PATJ: variants seen among roughly 807,000 people sequenced by gnomAD.
PATJ encodes the protein inaD-like protein.
Under a neutral mutation model 224.9 loss-of-function variants are expected in PATJ, and 190 were observed. The ratio of observed to expected loss-of-function variants is 0.84; its 90% CI spans 0.75 to 0.95. PATJ has a LOEUF of 0.95. Ranked by LOEUF, PATJ falls within the 40% of genes least tolerant of loss-of-function variation. PATJ has a pLI of 0.00. For missense variants in PATJ, 2,121 were observed against 2,270.3 expected (o/e 0.93, Z 1.34); for synonymous variants, 769 against 820.3 (o/e 0.94, Z 1.07).
At chr1:61,898,872 G>A (rs934416091) in intron 22 of PATJ, among the ~76,000 whole-genome samples, 1 of 152,060 alleles carries the variant, frequency 6.6e-6, no homozygotes, top group African/African-American at 2.4e-5. Context: ...TTGCACTCTT[G>A]ACCTTCCAGG....
At position 61,752,371 on chromosome 1, in the gene PATJ, T is replaced by C. The variant is rs376313231; in HGVS notation, c.-36+9816T>C. Reference sequence around the variant, plus strand: ...CTCTGTCACCCAGGCTGGAGTGCAATGGCACAATCTTGGCTCACTGCAACC... The same window carrying C: ...CTCTGTCACCCAGGCTGGAGTGCAACGGCACAATCTTGGCTCACTGCAACC... On this transcript the variant is annotated intron_variant, in intron 1 of 43. Coordinates refer to ENST00000642238, the MANE Select transcript of PATJ (RefSeq NM_001350145.3). Among the ~76,000 whole-genome samples, 3 of 145,266 alleles carry C rather than the reference T, an allele frequency of 2.1e-5. No individual in the cohort carries two copies. In the East Asian group the frequency reaches 6.3e-4, roughly 31 times the overall value.
intron 41 of PATJ, among the ~76,000 whole-genome samples, chr1:62,141,489 A>T (rs1470531304): frequency 6.6e-6 from 1 of 152,104 alleles, no homozygotes; most frequent in Non-Finnish European, 1.5e-5. Context: ...AGCCTGGGCA[A>T]CATGGTAAAA....
At chr1:62,049,486 A>G (rs1019566745) in intron 30 of PATJ, among the ~76,000 whole-genome samples, 13 of 152,194 alleles carry the variant, frequency 8.5e-5, no homozygotes, top group Non-Finnish European at 2.9e-5. Flanking sequence ...TCTTTTCCCT[A>G]TAAACTATTT....
chr1:62,020,264 T>C (rs962231611), intron 29 of PATJ, among the ~76,000 whole-genome samples: 9 of 152,192 alleles, frequency 5.9e-5, no homozygotes, highest in Non-Finnish European at 1.3e-4. Flanking sequence ...CCATTGCAAA[T>C]GGTACAATGT....
intron 27 of PATJ, among the ~76,000 whole-genome samples, chr1:61,972,200 A>G (rs2482894): frequency 0.26 from 39,955 of 151,748 alleles, 6,348 homozygotes; most frequent in African/African-American, 0.43. Flanking sequence ...GAGCCTGAGC[A>G]TAATTTTATA....
In PATJ at chr1:62,084,609, G is replaced by A. The variant is rs1386035356; in HGVS notation, c.4338G>A (p.Gly1446=). 1 of 1,613,140 alleles carries A rather than the reference G, an allele frequency of 6.2e-7. No homozygotes were observed. Among genetic ancestry groups the A allele is most frequent in the East Asian group, 2.2e-5 (1 of 44,878 alleles). Residue 1446 remains glycine, a synonymous_variant, in exon 33 of 44, where the codon GGG becomes GGA. Coordinates refer to ENST00000642238, the MANE Select transcript of PATJ (RefSeq NM_001350145.3). ...MIIEISKGRS[G]LGLSIVGGKD... ...TAGAAATATCCAAGGGACGTTCAGG[G>A]CTTGGTCTCAGCATTGTGGGAGGAA...
At chr1:62,001,852 T>G (rs2149610756) in intron 28 of PATJ, among the ~76,000 whole-genome samples, 1 of 152,330 alleles carries the variant, frequency 6.6e-6, no homozygotes, top group East Asian at 1.9e-4. Context: ...TATCCTCTTT[T>G]ATTTCATTGA....
chr1:62,069,316 C>T (rs1002576121), intron 31 of PATJ, among the ~76,000 whole-genome samples: 10 of 152,090 alleles, frequency 6.6e-5, no homozygotes, highest in South Asian at 2.1e-4. Context: ...CTCTCTGTGC[C>T]GCAGTTACCT....
intron 41 of PATJ, among the ~76,000 whole-genome samples, chr1:62,135,042 C>T (rs1244034679): frequency 6.6e-6 from 1 of 152,086 alleles, no homozygotes; most frequent in Non-Finnish European, 1.5e-5. Flanking sequence ...TAGGTCTTTA[C>T]CTTAGTTGCA....
rs755464892 is a variant in PATJ, at chr1:61,791,305, A to G, written c.1069-43A>G. The G allele has an allele frequency of 1.1e-4, 119 of 1,128,714 alleles. 2 individuals are homozygous for G. The highest frequency in any genetic ancestry group is 1.3e-4 in the Non-Finnish European group (97 of 743,716). 69.9% of individuals were successfully genotyped at this position (1,128,714 alleles called of 1,614,324 possible). On this transcript the variant is annotated intron_variant, in intron 8 of 43. Coordinates refer to ENST00000642238, the MANE Select transcript of PATJ (RefSeq NM_001350145.3). ...ACAGATTGACTATGTACACACAGGT[A>G]TGCCACTAAGCATATATAATTAAAT...
chr1:61,866,272 G>A (rs775907387), intron 20 of PATJ, among the ~76,000 whole-genome samples: 7 of 152,024 alleles, frequency 4.6e-5, no homozygotes, highest in Non-Finnish European at 1.0e-4. Flanking sequence ...CAAATAAAAG[G>A]CAACCTGAAA....
rs957399160 is a variant in PATJ at position 62,036,208 on chromosome 1, G to A, written c.3960-1769G>A. Reference sequence around the variant, plus strand: ...TAATAACTTTGCTGGGTGGAGAATGGGTTGGAGAGAAGATGTAACTGGGTT... The same window carrying A: ...TAATAACTTTGCTGGGTGGAGAATGAGTTGGAGAGAAGATGTAACTGGGTT... On this transcript the variant is annotated intron_variant, in intron 29 of 43. Coordinates refer to ENST00000642238, the MANE Select transcript of PATJ (RefSeq NM_001350145.3). 2.6e-5 allele frequency among the ~76,000 whole-genome samples: 4 copies of A among 152,158 alleles called. 1 individual carries two copies. The South Asian group carries it at 8.3e-4, about 32-fold the overall frequency.
chr1:61,921,531 G>A (rs1169491657), intron 26 of PATJ, among the ~76,000 whole-genome samples: 1 of 152,112 alleles, frequency 6.6e-6, no homozygotes, highest in Non-Finnish European at 1.5e-5. Flanking sequence ...CAGGTAATTA[G>A]TTGCAGAATT....
At chr1:62,024,603 A>C (rs183530854) in intron 29 of PATJ, among the ~76,000 whole-genome samples, 1 of 144,712 alleles carries the variant, frequency 6.9e-6, no homozygotes. Context: ...TATTTATACT[A>C]TTTGCCCAGT....
chr1:61,884,070 A>T (rs184099851), intron 21 of PATJ, among the ~76,000 whole-genome samples, 167 bp from the exon 22 acceptor site: 2 of 152,198 alleles, frequency 1.3e-5, no homozygotes, highest in East Asian at 3.9e-4. Flanking sequence ...TCACCATTGT[A>T]CCTATCATCA....
chr1:61,764,750 A>T (rs1454169282), intron 3 of PATJ, among the ~76,000 whole-genome samples: 1 of 152,112 alleles, frequency 6.6e-6, no homozygotes, highest in African/African-American at 2.4e-5. Flanking sequence ...CTTTCTGTGA[A>T]TTGCTTTCTT....
At chr1:61,826,335 G>C (rs1266039490) in intron 15 of PATJ, among the ~76,000 whole-genome samples, 1 of 152,188 alleles carries the variant, frequency 6.6e-6, no homozygotes, top group African/African-American at 2.4e-5. Flanking sequence ...TCCGAGTAAA[G>C]TCAGGCTGGC....
intron 41 of PATJ, among the ~76,000 whole-genome samples, chr1:62,132,771 G>T (rs1666392485): frequency 6.6e-6 from 1 of 151,934 alleles, no homozygotes; most frequent in South Asian, 2.1e-4. Flanking sequence ...GTGCATAGTG[G>T]CATGCACTTG....
intron 27 of PATJ, among the ~76,000 whole-genome samples, chr1:61,942,991 C>A (rs940113209): frequency 6.6e-6 from 1 of 152,130 alleles, no homozygotes; most frequent in Admixed American, 6.5e-5. Flanking sequence ...TTCATAATAG[C>A]CAAAAACTGG....
Sources: gnomAD v4.1 joint callset for allele counts (sites outside exome capture counted in the v4.1 genomes callset) on GRCh38, gnomAD v4.1.1 for gene constraint, MANE v1.5 for transcripts, NCBI Gene and HGNC (gene_info 2026-07-23, HGNC 2026-07-21) for gene names.